Variants in DYNC1H1 observed in about 807,000 individuals in gnomAD.
The protein encoded by DYNC1H1 is dynein cytoplasmic 1 heavy chain 1.
A neutral mutation model predicts 527.1 loss-of-function variants in DYNC1H1; 51 were observed. The ratio of observed to expected loss-of-function variants is 0.10; its 90% confidence interval spans 0.08 to 0.12. The LOEUF (loss-of-function observed/expected upper bound fraction) is 0.12. DYNC1H1 is among the 10% of genes least tolerant of loss of function. DYNC1H1 has a pLI of 1.00. For synonymous variants in DYNC1H1, 2,189 were observed against 2,278.8 expected (o/e 0.96, Z 1.12); for missense variants, 2,771 against 5,971.8 (o/e 0.46, Z 17.66).
At chr14:102,040,478 C>T in intron 63 of DYNC1H1, 68 bp downstream of exon 63, 1 of 1,612,314 alleles carries the variant, frequency 6.2e-7, no homozygotes, top group African/African-American at 1.3e-5. Context: ...TAAGGAATTG[C>T]ATGTGGTATA....
At chr14:101,984,395 GTATA>G (rs199505034) in intron 7 of DYNC1H1, among the ~76,000 whole-genome samples, 3 of 114,442 alleles carry the variant, frequency 2.6e-5, no homozygotes, top group African/African-American at 1.2e-4. Context: ...ATATATATGC[GTATA>G]TATGTGTGTG....
Position 102,026,647 on chromosome 14 carries a change from A to G in DYNC1H1, c.8711A>G (p.Glu2904Gly), listed in dbSNP as rs2048454687. 1 of 1,614,200 alleles carries G rather than the reference A, an allele frequency of 6.2e-7. No homozygotes were observed. Among genetic ancestry groups the G allele is most frequent in the Non-Finnish European group, 8.5e-7 (1 of 1,180,050 alleles). Residue 2904 changes from glutamate to glycine, a missense_variant, in exon 44 of 78, where the codon GAA becomes GGA. This residue lies in a region of DYNC1H1 where 84 missense variants were observed against 285.4 expected (regional missense o/e 0.29). Coordinates refer to ENST00000360184, the MANE Select transcript of DYNC1H1 (RefSeq NM_001376.5). ...AGGCTGAAGGTCTTTTATGAAGAAG[A>G]ACTTGATGTTCCGCTGGTGCTGTTT... Reference protein sequence around the residue: ...KARLKVFYEEELDVPLVLFNE... With the variant: ...KARLKVFYEEGLDVPLVLFNE...
chr14:102,014,882 C>T (rs949687534), intron 34 of DYNC1H1, among the ~76,000 whole-genome samples: 15 of 152,096 alleles, frequency 9.9e-5, no homozygotes, highest in Non-Finnish European at 1.5e-4. Context: ...GTGGCATGAT[C>T]TCAGCTCACT....
chr14:101,978,162 C>CT (rs1242423038), intron 2 of DYNC1H1, among the ~76,000 whole-genome samples: 8 of 152,350 alleles, frequency 5.3e-5, no homozygotes, highest in African/African-American at 1.9e-4. Flanking sequence ...TCAAGTGATT[C>CT]TCCATCAACC....
rs2048608186 is a variant in DYNC1H1 at position 102,038,818 on chromosome 14, G to A, written c.11176G>A (p.Glu3726Lys). 3.7e-6 allele frequency: 6 copies of A among 1,614,200 alleles called. No homozygotes were observed. The highest frequency in any genetic ancestry group is 4.2e-6 in the Non-Finnish European group (5 of 1,180,044). The change falls in exon 59 of 78, where the codon GAG (glutamate) becomes AAG (lysine). Residue 3726 changes from glutamate (E) to lysine (K), a missense_variant. Transcript: ENST00000360184. This position sits in a 1 kb window ranked among gnomAD's most constrained non-coding sequence, Gnocchi z 7.2. ...TAAAGCAGAAAGACCTGATGTGGAC[G>A]AGAAACGATCTGATCTTCTTAAACT... Reference protein sequence around the residue: ...VLKAERPDVDEKRSDLLKLQG... With the variant: ...VLKAERPDVDKKRSDLLKLQG...
chr14:102,002,102 T>A lies in DYNC1H1; in HGVS notation c.4542+421T>A, dbSNP rs1408895890. On this transcript the variant is annotated intron_variant, in intron 21 of 77. Coordinates refer to ENST00000360184, the MANE Select transcript of DYNC1H1 (RefSeq NM_001376.5). The surrounding 1 kb of genome is among the most constrained non-coding windows in gnomAD (Gnocchi z 4.4). ...CTTGTTTTTTTGTTTGTTTGCTTGC[T>A]TTTTTGTTTTTTTTTTTTCTTTTTT... Among the ~76,000 whole-genome samples, 2 of 150,818 alleles carry A rather than the reference T, an allele frequency of 1.3e-5. No individual in the cohort carries two copies. The highest frequency in any genetic ancestry group is 4.9e-5 in the African/African-American group (2 of 41,036).
chr14:102,023,382 TCTA>T (rs1397102617), intron 43 of DYNC1H1: 1 of 249,090 alleles, frequency 4.0e-6, no homozygotes, highest in Non-Finnish European at 7.9e-6. Context: ...AAACCCCATC[TCTA>T]CTAAAAATAC....
Position 102,042,193 on chromosome 14 carries a change from G to T in DYNC1H1, c.12215-35G>T. The T allele has an allele frequency of 4.3e-6, 7 of 1,614,014 alleles. No individual in the cohort carries two copies. Among genetic ancestry groups the T allele is most frequent in the Non-Finnish European group, 5.9e-6 (7 of 1,180,022 alleles). On this transcript the variant is annotated intron_variant, in intron 66 of 77. Coordinates refer to ENST00000360184, the MANE Select transcript of DYNC1H1 (RefSeq NM_001376.5). The surrounding 1 kb of genome is among the most constrained non-coding windows in gnomAD (Gnocchi z 5.7). ...TTTGTGGTGGGCATTGATGTCCGAG[G>T]CTGCCGCTGCTAACACTAAGTTTCC...
chr14:102,040,199 G>A (rs756109778), intron 62 of DYNC1H1, 37 bp from the exon 63 acceptor site: 11 of 1,610,724 alleles, frequency 6.8e-6, no homozygotes, highest in African/African-American at 6.7e-5. Flanking sequence ...GGGAGTGAAC[G>A]TGAGAGACCC....
chr14:101,978,993 T>C (rs1190919645), intron 2 of DYNC1H1, among the ~76,000 whole-genome samples: 2 of 152,226 alleles, frequency 1.3e-5, no homozygotes, highest in Admixed American at 1.3e-4. Flanking sequence ...GAGCAACTTT[T>C]GTTTACTTAG....
At chr14:101,989,244 C>G (rs942628421) in intron 10 of DYNC1H1, among the ~76,000 whole-genome samples, 4 of 152,228 alleles carry the variant, frequency 2.6e-5, no homozygotes, top group African/African-American at 4.8e-5. Flanking sequence ...AAACTTCTTA[C>G]CATTCATGCA....
intron 23 of DYNC1H1, among the ~76,000 whole-genome samples, chr14:102,004,006 C>T (rs2048164740): frequency 6.6e-6 from 1 of 151,982 alleles, no homozygotes; most frequent in African/African-American, 2.4e-5. Flanking sequence ...CTTTGGGTGG[C>T]CGAGGCGGGC....
At chr14:102,000,862 C>T (rs1021467425) in intron 18 of DYNC1H1, 92 bp from the exon 19 acceptor site, 19 of 1,205,346 alleles carry the variant, frequency 1.6e-5, no homozygotes, top group Admixed American at 6.8e-5. Flanking sequence ...CATGAGCCAC[C>T]GCGCCTGGCC....
chr14:102,005,476 A>G lies in DYNC1H1; in HGVS notation c.5433+240A>G, dbSNP rs1247831498. Among the ~76,000 whole-genome samples, 3 of 152,172 alleles carry G rather than the reference A, an allele frequency of 2.0e-5. No homozygotes were observed. Among genetic ancestry groups the G allele is most frequent in the Admixed American group, 6.5e-5 (1 of 15,270 alleles). On this transcript the variant is annotated intron_variant, in intron 26 of 77. Transcript: ENST00000360184. This position sits in a 1 kb window ranked among gnomAD's most constrained non-coding sequence, Gnocchi z 4.0. ...GAGGAAGGGATCAACCTTGGTCAGG[A>G]TCTCTTGCTCTTTCCTGTCATCTCC... is the stretch of plus-strand genomic sequence containing the variant.
Position 102,047,641 on chromosome 14 carries a change from G to GTGTGTATATATATATATA in DYNC1H1, c.13007-175_13007-174insGTGTATATATATATATAT. 7.6e-3 allele frequency: 2,410 copies of GTGTGTATATATATATATA among 316,188 alleles called. 45 individuals carry two copies. The highest frequency in any genetic ancestry group is 9.3e-3 in the Non-Finnish European group (1,715 of 184,452). The allele number at this position is 316,188 out of a possible 1,614,324, so 19.6% of individuals were successfully genotyped here. A position where few individuals can be genotyped will look rare whatever the true frequency, so the allele number is the denominator to read the frequency against. On this transcript the variant is annotated intron_variant, in intron 72 of 77. Coordinates refer to ENST00000360184, the MANE Select transcript of DYNC1H1 (RefSeq NM_001376.5). ...TACACGTGTGTGTGTGTGTGTGTGTGTATATATATATATATATATATATGT... is the reference window on the plus strand; with the variant it reads ...TACACGTGTGTGTGTGTGTGTGTGTGTGTGTATATATATATATATATATATATATATATATATATATGT...
rs2152581844 is a variant in DYNC1H1, at chr14:102,015,746, CAAAATGA to C, written c.7243-109_7243-103del. ...GAGGACTGGTCATTGAAGCTTCATC[CAAAATGA>C]GTTTTCCAAGGTCGTATGACCTTCT... On this transcript the variant is annotated intron_variant, in intron 35 of 77. Coordinates refer to ENST00000360184, the MANE Select transcript of DYNC1H1 (RefSeq NM_001376.5). The surrounding 1 kb of genome is among the most constrained non-coding windows in gnomAD (Gnocchi z 6.9). The C allele has an allele frequency of 8.2e-7, 1 of 1,226,392 alleles. No individual in the cohort carries two copies. Among genetic ancestry groups the C allele is most frequent in the East Asian group, 2.5e-5 (1 of 39,654 alleles). The allele number at this position is 1,226,392 out of a possible 1,614,324, so 76.0% of individuals were successfully genotyped here. A position where few individuals can be genotyped will look rare whatever the true frequency, so the allele number is the denominator to read the frequency against.
chr14:102,034,651 A>T (rs2048550805), intron 56 of DYNC1H1, 199 bp downstream of exon 56: 1 of 896,916 alleles, frequency 1.1e-6, no homozygotes, highest in South Asian at 1.5e-5. Flanking sequence ...TCTGCAGTGA[A>T]TGCTTCTTGT....
At chr14:101,978,291 C>T (rs1249694958) in intron 2 of DYNC1H1, among the ~76,000 whole-genome samples, 1 of 152,154 alleles carries the variant, frequency 6.6e-6, no homozygotes, top group Non-Finnish European at 1.5e-5. Flanking sequence ...CCTGCCTCGG[C>T]CTCCCAAAGT....
chr14:102,042,551 CTG>C lies in DYNC1H1; in HGVS notation c.12399+47_12399+48del. 1 of 1,613,732 alleles carries C rather than the reference CTG, an allele frequency of 6.2e-7. No individual in the cohort carries two copies. The highest frequency in any genetic ancestry group is 8.5e-7 in the Non-Finnish European group (1 of 1,179,946). On this transcript the variant is annotated intron_variant, in intron 68 of 77. Coordinates refer to ENST00000360184, the MANE Select transcript of DYNC1H1 (RefSeq NM_001376.5). This position sits in a 1 kb window ranked among gnomAD's most constrained non-coding sequence, Gnocchi z 5.7. ...GGAGACGTTGCAGGCTGGCCTGGCA[CTG>C]TGCTGTCGGCACGTGTGTGGTGGAA...
Sources: gnomAD v4.1 joint callset for allele counts (sites outside exome capture counted in the v4.1 genomes callset) on GRCh38, gnomAD v4.1.1 for gene constraint, gnomAD v4.1.1 regional missense constraint, Gnocchi (gnomAD v3.1) non-coding constraint, MANE v1.5 for transcripts, NCBI Gene and HGNC (gene_info 2026-07-23, HGNC 2026-07-21) for gene names.